TBC1D32: variants seen among roughly 807,000 people sequenced by gnomAD.
TBC1D32 encodes TBC1 domain family member 32, also known as protein broad-minded.
In TBC1D32, 151 loss-of-function variants were observed where a neutral mutation model predicts 170.3. The observed-to-expected ratio is 0.89, with a 90% CI of 0.78 to 1.01. TBC1D32 has a LOEUF of 1.01. TBC1D32 is among the 50% of genes least tolerant of loss of function. The probability of loss-of-function intolerance (pLI) is 0.00; values close to 1 mark genes in which losing one functional copy is unlikely to be tolerated. For synonymous variants in TBC1D32, 498 were observed against 488.0 expected, an observed-to-expected ratio of 1.02 and a Z score of -0.27; for missense variants, 1,464 against 1,457.1, an observed-to-expected ratio of 1.00 and a Z score of -0.08.
intron 17 of TBC1D32, among the ~76,000 whole-genome samples, chr6:121,248,467 C>A (rs1797903926): frequency 6.6e-6 from 1 of 151,260 alleles, no homozygotes; most frequent in Non-Finnish European, 1.5e-5. Context: ...TAACCAAGAT[C>A]AGAGGAGAAT....
intron 17 of TBC1D32, among the ~76,000 whole-genome samples, chr6:121,243,726 A>G (rs1254694531): frequency 2.0e-5 from 3 of 152,032 alleles, no homozygotes; most frequent in Non-Finnish European, 2.9e-5. Flanking sequence ...ATAACATGAA[A>G]TCCATGTTCT....
chr6:121,229,699 T>C (rs1795500176), intron 20 of TBC1D32, among the ~76,000 whole-genome samples: 1 of 152,120 alleles, frequency 6.6e-6, no homozygotes, highest in Non-Finnish European at 1.5e-5. Context: ...AAAAAATTAT[T>C]AGTTGGGATA....
At chr6:121,094,272 AT>A (rs1777146025) in intron 30 of TBC1D32, among the ~76,000 whole-genome samples, 1 of 151,748 alleles carries the variant, frequency 6.6e-6, no homozygotes, top group Admixed American at 6.6e-5. Flanking sequence ...AGTTCAAATG[AT>A]TCTCATGCCT....
At chr6:121,091,155 C>A in intron 30 of TBC1D32, 114 bp from the exon 31 acceptor site, 1 of 836,920 alleles carries the variant, frequency 1.2e-6, no homozygotes, top group South Asian at 1.8e-5. Context: ...AGGGCTTAAT[C>A]AAAATACAAA....
chr6:121,298,776 T>A (rs139835858), intron 10 of TBC1D32, among the ~76,000 whole-genome samples: 291 of 152,218 alleles, frequency 1.9e-3, no homozygotes, highest in Non-Finnish European at 3.5e-3. Context: ...CCGGAATCTT[T>A]TCTTCACCTG....
At chr6:121,177,609 T>G (rs977974969) in intron 22 of TBC1D32, among the ~76,000 whole-genome samples, 4 of 152,198 alleles carry the variant, frequency 2.6e-5, no homozygotes, top group Admixed American at 6.5e-5. Context: ...ATAGATTGCC[T>G]ACATTGGTGG....
chr6:121,234,185 T>A (rs183336315), intron 20 of TBC1D32, among the ~76,000 whole-genome samples: 3 of 152,334 alleles, frequency 2.0e-5, no homozygotes, highest in Admixed American at 6.5e-5. Context: ...GATGACCATA[T>A]GCCTAGGCAA....
intron 22 of TBC1D32, among the ~76,000 whole-genome samples, chr6:121,162,437 G>A (rs976436599): frequency 6.6e-6 from 1 of 152,058 alleles, no homozygotes; most frequent in East Asian, 1.9e-4. Context: ...CAAACCCACA[G>A]ACAGTATCAT....
At chr6:121,178,327 G>C (rs1359524341) in intron 22 of TBC1D32, among the ~76,000 whole-genome samples, 1 of 152,096 alleles carries the variant, frequency 6.6e-6, no homozygotes, top group Non-Finnish European at 1.5e-5. Flanking sequence ...GGTGACATGA[G>C]AAATCACTGG....
At chr6:121,239,739 C>A (rs191867379) in intron 19 of TBC1D32, among the ~76,000 whole-genome samples, 2 of 151,978 alleles carry the variant, frequency 1.3e-5, no homozygotes, top group Non-Finnish European at 2.9e-5. Flanking sequence ...TAAATTCTTA[C>A]GAGTCATACT....
chr6:121,328,417 C>T (rs918445914), intron 1 of TBC1D32, among the ~76,000 whole-genome samples: 2 of 151,844 alleles, frequency 1.3e-5, no homozygotes, highest in Non-Finnish European at 2.9e-5. Context: ...TACCGAGTAG[C>T]GACGACTACA....
At chr6:121,213,314 C>T (rs2128314824) in intron 21 of TBC1D32, among the ~76,000 whole-genome samples, 1 of 151,878 alleles carries the variant, frequency 6.6e-6, no homozygotes, top group Non-Finnish European at 1.5e-5. Flanking sequence ...CAGTCTTGGT[C>T]CAAAAGCTCC....
At chr6:121,161,501 C>G (rs1314203297) in intron 22 of TBC1D32, among the ~76,000 whole-genome samples, 1 of 152,168 alleles carries the variant, frequency 6.6e-6, no homozygotes, top group South Asian at 2.1e-4. Flanking sequence ...TGGCCTCCAG[C>G]TCCATTCATG....
At chr6:121,242,427 T>G in intron 17 of TBC1D32, 88 bp from the exon 18 acceptor site, 1 of 1,329,926 alleles carries the variant, frequency 7.5e-7, no homozygotes, top group Non-Finnish European at 1.0e-6. Flanking sequence ...TTAACCCTGT[T>G]TACAATTAAA....
At chr6:121,256,559 T>C (rs973011453) in intron 15 of TBC1D32, among the ~76,000 whole-genome samples, 8 of 152,204 alleles carry the variant, frequency 5.3e-5, no homozygotes, top group Non-Finnish European at 1.2e-4. Context: ...TGTAGATAAG[T>C]ATTGTCAATT....
intron 28 of TBC1D32, 109 bp from the exon 29 acceptor site, chr6:121,112,768 C>G: frequency 3.9e-6 from 4 of 1,020,346 alleles, no homozygotes; most frequent in Non-Finnish European, 5.4e-6. Flanking sequence ...CATTCTTATT[C>G]TGAATTTATG....
At position 121,241,511 on chromosome 6, in the gene TBC1D32, T is replaced by C. The variant is rs1399632226; in HGVS notation, c.2199A>G (p.Thr733=). ...HKKFGYGVLV[T]RVASTAAGGI... is the part of the protein sequence containing the mutation. ...CACCTGCTGCTGTTGATGCCACTCG[T>C]GTAACCAAAACTCCATAGCCAAATT... Residue 733 remains threonine, a synonymous_variant, in exon 19 of 32, where the codon ACA becomes ACG. Coordinates refer to ENST00000398212, the MANE Select transcript of TBC1D32 (RefSeq NM_152730.6). The C allele has an allele frequency of 2.5e-6, 4 of 1,613,594 alleles. No homozygotes were observed. The highest frequency in any genetic ancestry group is 4.5e-5 in the East Asian group (2 of 44,832).
intron 21 of TBC1D32, 146 bp downstream of exon 21, chr6:121,223,090 T>A: frequency 5.5e-6 from 3 of 547,496 alleles, no homozygotes; most frequent in Non-Finnish European, 9.5e-6. Context: ...CAAAAGTTGA[T>A]ATAATTCATG....
intron 22 of TBC1D32, among the ~76,000 whole-genome samples, chr6:121,184,891 G>A (rs1315375148): frequency 6.6e-6 from 1 of 151,998 alleles, no homozygotes; most frequent in Non-Finnish European, 1.5e-5. Flanking sequence ...GAGGAAAGAG[G>A]CCGACCTATC....
Sources: allele counts gnomAD v4.1 joint callset (sites outside exome capture counted in the v4.1 genomes callset), GRCh38; gene constraint gnomAD v4.1.1; transcripts MANE v1.5; gene names NCBI Gene and HGNC (gene_info 2026-07-23, HGNC 2026-07-21).